PLEKHH2: variants seen among roughly 807,000 people sequenced by gnomAD.
PLEKHH2 encodes the protein pleckstrin homology domain-containing family H member 2.
Under a neutral mutation model 187.9 loss-of-function variants are expected in PLEKHH2, and 129 were observed. The observed-to-expected ratio is 0.69, with a 90% confidence interval of 0.59 to 0.79. The LOEUF is 0.79. PLEKHH2 is among the 30% of genes least tolerant of loss of function. PLEKHH2 has a pLI of 0.00. For missense variants in PLEKHH2, 2,076 were observed against 1,751.2 expected, an observed-to-expected ratio of 1.19 and a Z score of -3.31; for synonymous variants, 686 against 605.6, an observed-to-expected ratio of 1.13 and a Z score of -1.95.
At chr2:43,755,343 G>A (rs896750724) in intron 25 of PLEKHH2, among the ~76,000 whole-genome samples, 1 of 152,044 alleles carries the variant, frequency 6.6e-6, no homozygotes, top group African/African-American at 2.4e-5. Flanking sequence ...CACATCCTGC[G>A]AATGTGAACT....
chr2:43,738,278 A>C (rs548985661), intron 19 of PLEKHH2, 63 bp from the exon 20 acceptor site: 1 of 1,329,114 alleles, frequency 7.5e-7, no homozygotes, highest in East Asian at 2.3e-5. Context: ...TATTCGATAT[A>C]ATTCATGCAG....
rs116749927 is a variant in PLEKHH2, at chr2:43,679,877, G to A, written c.186+952G>A. ...TGTAATGACAGGGTCTCACTATGTTGTCCAGGATGATCTTGAACTACTGGC... is the reference window on the plus strand; with the variant it reads ...TGTAATGACAGGGTCTCACTATGTTATCCAGGATGATCTTGAACTACTGGC... On this transcript the variant is annotated intron_variant, in intron 3 of 29. Transcript: ENST00000282406. 8.2e-3 allele frequency among the ~76,000 whole-genome samples: 1,250 copies of A among 152,114 alleles called. 15 individuals carry two copies. The highest frequency in any genetic ancestry group is 0.028 in the African/African-American group (1,182 of 41,490).
chr2:43,716,417 T>G (rs1347712049), intron 15 of PLEKHH2, among the ~76,000 whole-genome samples: 1 of 152,202 alleles, frequency 6.6e-6, no homozygotes, highest in Non-Finnish European at 1.5e-5. Context: ...CAATGTTATT[T>G]ACTAAGAGTG....
rs1669131851 is a variant in PLEKHH2 at position 43,697,107 on chromosome 2, G to T, written c.503-64G>T. The T allele has an allele frequency of 5.2e-6, 7 of 1,345,036 alleles. No individual in the cohort carries two copies. The South Asian group carries it at 1.2e-4, about 23-fold the overall frequency. The allele number at this position is 1,345,036 out of a possible 1,614,324, so 83.3% of individuals were successfully genotyped here. ...ATTTGTTCAAGTTTTTATATGCCTT[G>T]GTTCTATGTTTAACAAACTTCTATA... On this transcript the variant is annotated intron_variant, in intron 6 of 29. Coordinates refer to ENST00000282406, the MANE Select transcript of PLEKHH2 (RefSeq NM_172069.4).
intron 2 of PLEKHH2, among the ~76,000 whole-genome samples, chr2:43,666,930 A>T (rs1667248179): frequency 6.6e-6 from 1 of 152,184 alleles, no homozygotes; most frequent in African/African-American, 2.4e-5. Context: ...TAGTAATAGT[A>T]ATAGTAATAA....
At chr2:43,731,685 A>G (rs943862698) in intron 19 of PLEKHH2, 83 bp downstream of exon 19, 4 of 949,244 alleles carry the variant, frequency 4.2e-6, no homozygotes, top group African/African-American at 3.4e-5. Flanking sequence ...TAAAAATAAC[A>G]TTTTGGGTTA....
chr2:43,649,405 C>T (rs1464759133), intron 2 of PLEKHH2, among the ~76,000 whole-genome samples: 1 of 152,226 alleles, frequency 6.6e-6, no homozygotes, highest in African/African-American at 2.4e-5. Flanking sequence ...ATCAGCATTG[C>T]TCGCATAACC....
chr2:43,666,357 G>A (rs1017080417), intron 2 of PLEKHH2, among the ~76,000 whole-genome samples: 3 of 151,188 alleles, frequency 2.0e-5, no homozygotes, highest in Non-Finnish European at 2.9e-5. Context: ...ACACCCACTG[G>A]CCTGCGCCCA....
Position 43,711,701 on chromosome 2 carries a change from C to T in PLEKHH2, c.2302-524C>T, listed in dbSNP as rs901815976. 5.9e-6 allele frequency: 3 copies of T among 510,444 alleles called. No homozygotes were observed. The African/African-American group carries it at 6.3e-5, about 11-fold the overall frequency. The allele number at this position is 510,444 out of a possible 1,614,324, so 31.6% of individuals were successfully genotyped here. A position where few individuals can be genotyped will look rare whatever the true frequency, so the allele number is the denominator to read the frequency against. ...GGTCAGGAGATCGAGACCATCCTGG[C>T]TAACACGGTGAAACCCCGTCTCTAC... On this transcript the variant is annotated intron_variant, in intron 14 of 29. Transcript: ENST00000282406.
chr2:43,672,995 A>C (rs1667561849), intron 2 of PLEKHH2, among the ~76,000 whole-genome samples: 1 of 152,232 alleles, frequency 6.6e-6, no homozygotes, highest in East Asian at 1.9e-4. Context: ...ATTTATGTAT[A>C]ATATCATTCT....
Position 43,706,368 on chromosome 2 carries a change from T to C in PLEKHH2, c.1773T>C (p.Ser591=), listed in dbSNP as rs1669656853. The stretch of plus-strand genomic sequence containing the variant: ...ATACTACATCAGGACTTTATACATC[T>C]CTGATATACAAGAACATGACCACCC... The part of the protein sequence containing the change: ...LSYTTSGLYT[S]LIYKNMTTPV... Residue 591 remains serine, a synonymous_variant, in exon 10 of 30, where the codon TCT becomes TCC. Coordinates refer to ENST00000282406, the MANE Select transcript of PLEKHH2 (RefSeq NM_172069.4). 1.2e-6 allele frequency: 2 copies of C among 1,609,746 alleles called. No individual in the cohort carries two copies. The highest frequency in any genetic ancestry group is 8.5e-7 in the Non-Finnish European group (1 of 1,176,354).
At chr2:43,756,519 A>C (rs1204632786) in intron 25 of PLEKHH2, among the ~76,000 whole-genome samples, 1 of 152,198 alleles carries the variant, frequency 6.6e-6, no homozygotes, top group African/African-American at 2.4e-5. Context: ...AGTGCCTTAA[A>C]AATGAAAAAT....
chr2:43,658,828 T>A lies in PLEKHH2; in HGVS notation c.123+14032T>A, dbSNP rs1196173406. 10 of 152,224 alleles carry A rather than the reference T, an allele frequency of 6.6e-5. No individual in the cohort carries two copies. The East Asian group carries it at 1.9e-3, about 29-fold the overall frequency. The allele number at this position is 152,224 out of a possible 1,614,324, so 9.4% of individuals were successfully genotyped here. On this transcript the variant is annotated intron_variant, in intron 2 of 29. Coordinates refer to ENST00000282406, the MANE Select transcript of PLEKHH2 (RefSeq NM_172069.4). ...TTGGTTGCAAAGGTCAGCCCTATGTTGTGAAGGAAGCAACTACACATGGGT... is the reference window on the plus strand; with the variant it reads ...TTGGTTGCAAAGGTCAGCCCTATGTAGTGAAGGAAGCAACTACACATGGGT...
intron 16 of PLEKHH2, 119 bp downstream of exon 16, chr2:43,720,868 T>A (rs1280544400): frequency 2.1e-6 from 3 of 1,402,638 alleles, no homozygotes; most frequent in Admixed American, 2.8e-5. Flanking sequence ...AGGTTGAAAT[T>A]TGGTATAATT....
chr2:43,747,828 T>C (rs1397684799), intron 24 of PLEKHH2, among the ~76,000 whole-genome samples: 1 of 152,170 alleles, frequency 6.6e-6, no homozygotes, highest in African/African-American at 2.4e-5. Context: ...AGACTTAAAA[T>C]TGGAATGTAA....
chr2:43,728,675 C>G (rs1197791023), intron 17 of PLEKHH2, among the ~76,000 whole-genome samples: 1 of 150,614 alleles, frequency 6.6e-6, no homozygotes, highest in Non-Finnish European at 1.5e-5. Context: ...GATTCTTCTG[C>G]CTCAGCCTCC....
At chr2:43,672,343 T>C (rs1345853429) in intron 2 of PLEKHH2, among the ~76,000 whole-genome samples, 4 of 152,180 alleles carry the variant, frequency 2.6e-5, no homozygotes, top group Non-Finnish European at 5.9e-5. Context: ...GTTTTATTGA[T>C]TTTTCTCTAT....
intron 2 of PLEKHH2, among the ~76,000 whole-genome samples, chr2:43,667,510 T>C (rs1359837771): frequency 6.6e-6 from 1 of 152,210 alleles, no homozygotes; most frequent in Non-Finnish European, 1.5e-5. Context: ...TTATTTATAA[T>C]AATCAAAGAG....
intron 1 of PLEKHH2, 142 bp downstream of exon 1, chr2:43,637,521 G>C (rs1703164784): frequency 6.6e-6 from 1 of 152,540 alleles, no homozygotes. Flanking sequence ...GGGACGAGAG[G>C]GACGGAGCGG....
Sources: allele counts gnomAD v4.1 joint callset (sites outside exome capture counted in the v4.1 genomes callset), GRCh38; gene constraint gnomAD v4.1.1; transcripts MANE v1.5; gene names NCBI Gene and HGNC (gene_info 2026-07-23, HGNC 2026-07-21).